Variants in UNC5A observed in about 807,000 individuals in gnomAD.
The protein encoded by UNC5A is unc-5 netrin receptor A.
A neutral mutation model predicts 87.4 loss-of-function variants in UNC5A; 20 were observed. The ratio of observed to expected loss-of-function variants is 0.23; its 90% confidence interval spans 0.16 to 0.33. The LOEUF (loss-of-function observed/expected upper bound fraction) is 0.33, where lower values mean the gene tolerates loss of function less well. UNC5A is among the 10% of genes least tolerant of loss of function. UNC5A has a pLI of 1.00. For synonymous variants in UNC5A, 438 were observed against 482.3 expected (o/e 0.91, Z 1.20); for missense variants, 844 against 1,133.4 (o/e 0.74, Z 3.67).
chr5:176,878,669 G>T (rs1758329843), intron 13 of UNC5A, 30 bp downstream of exon 13: 1 of 1,593,782 alleles, frequency 6.3e-7, no homozygotes, highest in Non-Finnish European at 8.6e-7. Flanking sequence ...GCACCGCCGT[G>T]ACGTGCTCCC....
rs1184074016 is a variant in UNC5A at position 176,844,640 on chromosome 5, A to G, written c.71-17984A>G. ...CCAATTCTTCAACAGGAGGTGGGAA[A>G]CCATTGTTTCTGTGCAACTTCCTAG... On this transcript the variant is annotated intron_variant, in intron 1 of 14. Coordinates refer to ENST00000329542, the MANE Select transcript of UNC5A (RefSeq NM_133369.3). The surrounding 1 kb of genome is among the most constrained non-coding windows in gnomAD (Gnocchi z 4.2). Among the ~76,000 whole-genome samples the G allele has an allele frequency of 6.6e-6, 1 of 152,120 alleles. No homozygotes were observed. Among genetic ancestry groups the G allele is most frequent in the East Asian group, 1.9e-4 (1 of 5,192 alleles).
chr5:176,850,597 G>A (rs1418088413), intron 1 of UNC5A, among the ~76,000 whole-genome samples: 1 of 152,148 alleles, frequency 6.6e-6, no homozygotes, highest in Non-Finnish European at 1.5e-5. Context: ...GGAGCTGATG[G>A]GGGCCACAGA....
chr5:176,856,789 C>T lies in UNC5A; in HGVS notation c.71-5835C>T, dbSNP rs376785991. Reference sequence around the variant, plus strand: ...GCCACCCCTCCCCTCCCACTCCTCACGCAGGGAGAGCACACCACACCCCTG... The same window carrying T: ...GCCACCCCTCCCCTCCCACTCCTCATGCAGGGAGAGCACACCACACCCCTG... On this transcript the variant is annotated intron_variant, in intron 1 of 14. Coordinates refer to ENST00000329542, the MANE Select transcript of UNC5A (RefSeq NM_133369.3). Among the ~76,000 whole-genome samples, 169 of 152,222 alleles carry T rather than the reference C, an allele frequency of 1.1e-3. 1 individual carries two copies. Among genetic ancestry groups the T allele is most frequent in the African/African-American group, 3.5e-3 (145 of 41,540 alleles).
intron 1 of UNC5A, among the ~76,000 whole-genome samples, chr5:176,819,352 C>A (rs1232302884): frequency 5.9e-5 from 9 of 152,028 alleles, no homozygotes; most frequent in Admixed American, 3.9e-4. Flanking sequence ...TAGAACCCAA[C>A]TCACACTGGC....
At chr5:176,830,691 TG>T (rs1756990066) in intron 1 of UNC5A, among the ~76,000 whole-genome samples, 1 of 138,436 alleles carries the variant, frequency 7.2e-6, no homozygotes, top group African/African-American at 2.8e-5. Context: ...TGTGCTGGCA[TG>T]TGTGTGCACT....
In UNC5A at chr5:176,865,098, C is replaced by A. The variant is rs144742830; in HGVS notation, c.292+2253C>A. 1.2e-5 allele frequency: 4 copies of A among 333,144 alleles called. No individual in the cohort carries two copies. The highest frequency in any genetic ancestry group is 1.2e-5 in the Non-Finnish European group (2 of 168,172). The allele number at this position is 333,144 out of a possible 1,614,324, so 20.6% of individuals were successfully genotyped here. A position where few individuals can be genotyped will look rare whatever the true frequency, so the allele number is the denominator to read the frequency against. On this transcript the variant is annotated intron_variant, in intron 2 of 14. Coordinates refer to ENST00000329542, the MANE Select transcript of UNC5A (RefSeq NM_133369.3). This position sits in a 1 kb window ranked among gnomAD's most constrained non-coding sequence, Gnocchi z 5.3. ...GGGGGAAGCCATGAAATCTCACGTG[C>A]CCAGTCAGGACCCAGCACGGGGCCT...
At chr5:176,833,248 G>A (rs1037294530) in intron 1 of UNC5A, among the ~76,000 whole-genome samples, 12 of 152,128 alleles carry the variant, frequency 7.9e-5, no homozygotes, top group Admixed American at 2.6e-4. Flanking sequence ...TGATTTAGTC[G>A]CCTAGGTAGT....
At chr5:176,829,039 A>G (rs1428417950) in intron 1 of UNC5A, among the ~76,000 whole-genome samples, 1 of 152,086 alleles carries the variant, frequency 6.6e-6, no homozygotes, top group Non-Finnish European at 1.5e-5. Flanking sequence ...AGGCAGGAGA[A>G]TCAATTGAAC....
At chr5:176,864,836 C>A in intron 2 of UNC5A, 1 of 456,030 alleles carries the variant, frequency 2.2e-6, no homozygotes, top group Non-Finnish European at 4.4e-6. Flanking sequence ...AGAGGGTTGG[C>A]GGCCAATGTA....
At chr5:176,876,105 G>A (rs1400943659) in intron 8 of UNC5A, among the ~76,000 whole-genome samples, 1 of 152,270 alleles carries the variant, frequency 6.6e-6, no homozygotes, top group Non-Finnish European at 1.5e-5. Context: ...AACTTCATGA[G>A]AGTGGGGTCT....
In UNC5A at chr5:176,868,977, A is replaced by G. The variant is rs10053563; in HGVS notation, c.721+13A>G. ...GTCATCGTCTACGGTGGGCCCCGGG[A>G]CTCCCTGGTCACAGGGAGAGGCACT... On this transcript the variant is annotated intron_variant, in intron 5 of 14. Transcript: ENST00000329542. 0.096 allele frequency: 152,147 copies of G among 1,585,274 alleles called. 13,856 individuals are homozygous for G. Among genetic ancestry groups the G allele is most frequent in the African/African-American group, 0.48 (35,519 of 74,416 alleles).
intron 1 of UNC5A, among the ~76,000 whole-genome samples, chr5:176,842,849 A>G (rs1757308661): frequency 6.6e-6 from 1 of 152,192 alleles, no homozygotes; most frequent in Non-Finnish European, 1.5e-5. Context: ...CACTTATGGA[A>G]AAATAATTTT....
chr5:176,869,789 C>G lies in UNC5A; in HGVS notation c.722-581C>G. 1.7e-6 allele frequency: 1 copy of G among 586,056 alleles called. No homozygotes were observed. 36.3% of individuals were successfully genotyped at this position (586,056 alleles called of 1,614,324 possible). On this transcript the variant is annotated intron_variant, in intron 5 of 14. Coordinates refer to ENST00000329542, the MANE Select transcript of UNC5A (RefSeq NM_133369.3). This position sits in a 1 kb window ranked among gnomAD's most constrained non-coding sequence, Gnocchi z 9.1. Reference sequence around the variant, plus strand: ...GCGCCACCCTGTGCCCAGGTACCAGCGGCCACCGCCTCCCGCATCGTTCCT... The same window carrying G: ...GCGCCACCCTGTGCCCAGGTACCAGGGGCCACCGCCTCCCGCATCGTTCCT...
At chr5:176,843,620 G>A (rs569943522) in intron 1 of UNC5A, among the ~76,000 whole-genome samples, 2 of 152,380 alleles carry the variant, frequency 1.3e-5, no homozygotes, top group Admixed American at 6.5e-5. Context: ...CAGAGCCGGG[G>A]TGTAGTAAGT....
At position 176,875,381 on chromosome 5, in the gene UNC5A, A is replaced by T. The variant is rs1758237873; in HGVS notation, c.1378+815A>T. On this transcript the variant is annotated intron_variant, in intron 8 of 14. Coordinates refer to ENST00000329542, the MANE Select transcript of UNC5A (RefSeq NM_133369.3). The surrounding 1 kb of genome is among the most constrained non-coding windows in gnomAD (Gnocchi z 5.2). ...TCCCACCCTCCCCCAGAGCCTCCCC[A>T]TTCCTGGCTTCCCCCAGTTCACGGA... is the stretch of plus-strand genomic sequence containing the variant. Among the ~76,000 whole-genome samples the T allele has an allele frequency of 6.7e-6, 1 of 149,250 alleles. No individual in the cohort carries two copies. The highest frequency in any genetic ancestry group is 1.5e-5 in the Non-Finnish European group (1 of 67,430).
At position 176,880,755 on chromosome 5, in the gene UNC5A, A is replaced by G. The variant is rs1043465538; in HGVS notation, c.*869A>G. 4.4e-6 allele frequency: 1 copy of G among 226,122 alleles called. No individual in the cohort carries two copies. The highest frequency in any genetic ancestry group is 8.6e-6 in the Non-Finnish European group (1 of 116,596). 14.0% of individuals were successfully genotyped at this position (226,122 alleles called of 1,614,324 possible). A position where few individuals can be genotyped will look rare whatever the true frequency, so the allele number is the denominator to read the frequency against. ...GCTGGTGCCCCACGCGGGGCCTGTC[A>G]TGTGAAGCTCGTGTCCTGACTTTGT... On this transcript the variant is annotated 3_prime_UTR_variant, in exon 15 of 15. Transcript: ENST00000329542.
intron 1 of UNC5A, among the ~76,000 whole-genome samples, chr5:176,812,140 C>T (rs1307955441): frequency 6.6e-6 from 1 of 152,166 alleles, no homozygotes; most frequent in Non-Finnish European, 1.5e-5. Flanking sequence ...TAATCCTGAC[C>T]AAGCTGAGAG....
At chr5:176,850,462 G>A (rs553338271) in intron 1 of UNC5A, among the ~76,000 whole-genome samples, 30 of 152,186 alleles carry the variant, frequency 2.0e-4, no homozygotes, top group Admixed American at 4.6e-4. Flanking sequence ...AGGTGGCCAC[G>A]AGGGAGGAAA....
chr5:176,827,697 T>G (rs1053359837), intron 1 of UNC5A, among the ~76,000 whole-genome samples: 2 of 152,226 alleles, frequency 1.3e-5, no homozygotes, highest in African/African-American at 4.8e-5. Context: ...ATACGGTAAC[T>G]ATGTTGAACT....
Sources: gnomAD v4.1 joint callset for allele counts (sites outside exome capture counted in the v4.1 genomes callset) on GRCh38, gnomAD v4.1.1 for gene constraint, Gnocchi (gnomAD v3.1) non-coding constraint, MANE v1.5 for transcripts, NCBI Gene and HGNC (gene_info 2026-07-23, HGNC 2026-07-21) for gene names.